Variants in SACM1L observed in about 807,000 individuals in gnomAD.
SACM1L encodes SAC1 like phosphatidylinositide phosphatase, also known as phosphatidylinositol-3-phosphatase SAC1.
SACM1L carries 32 observed loss-of-function variants against 89.5 expected under a neutral mutation model. That is an observed-to-expected ratio of 0.36 (90% confidence interval 0.27 to 0.48). The LOEUF is 0.48. Ranked by LOEUF, SACM1L falls within the 20% of genes least tolerant of loss-of-function variation. The probability of loss-of-function intolerance (pLI) is 0.99; values close to 1 mark genes in which losing one functional copy is unlikely to be tolerated. For missense variants in SACM1L, 543 were observed against 708.5 expected, an observed-to-expected ratio of 0.77 and a Z score of 2.65; for synonymous variants, 213 against 232.8, an observed-to-expected ratio of 0.92 and a Z score of 0.77.
intron 1 of SACM1L, among the ~76,000 whole-genome samples, chr3:45,699,667 A>G (rs1174265900): frequency 6.6e-6 from 1 of 152,066 alleles, no homozygotes; most frequent in Non-Finnish European, 1.5e-5. Flanking sequence ...GATTACAGGC[A>G]TGCGCCACCA....
intron 18 of SACM1L, 109 bp downstream of exon 18, chr3:45,738,982 A>G: frequency 1.5e-6 from 1 of 674,768 alleles, no homozygotes; most frequent in South Asian, 2.0e-5. Context: ...ATTTCATTAC[A>G]TGAAATATAA....
At chr3:45,723,867 T>C (rs1419571971) in intron 11 of SACM1L, among the ~76,000 whole-genome samples, 2 of 152,112 alleles carry the variant, frequency 1.3e-5, no homozygotes, top group Non-Finnish European at 2.9e-5. Context: ...GTTTTTAAGG[T>C]TCATCCATCT....
chr3:45,722,020 G>C lies in SACM1L; in HGVS notation c.700G>C (p.Ala234Pro). ...TTTAGGAATTGATTCGGAAGGCCATGCAGCTAACTTTGTAGAAACAGAACA... is the reference window on the plus strand; with the variant it reads ...TTTAGGAATTGATTCGGAAGGCCATCCAGCTAACTTTGTAGAAACAGAACA... Reference protein sequence around the residue: ...YVRGIDSEGHAANFVETEQIV... With the variant: ...YVRGIDSEGHPANFVETEQIV... The change falls in exon 9 of 20, where the codon GCA (alanine) becomes CCA (proline). Residue 234 changes from alanine to proline, a missense_variant. Around this residue, in one of 2 missense-constraint regions of SACM1L, gnomAD observed 370 missense variants for 527.6 expected, o/e 0.70. Coordinates refer to ENST00000389061, the MANE Select transcript of SACM1L (RefSeq NM_014016.5). 1 of 1,611,772 alleles carries C rather than the reference G, an allele frequency of 6.2e-7. No individual in the cohort carries two copies. The highest frequency in any genetic ancestry group is 8.5e-7 in the Non-Finnish European group (1 of 1,178,560).
At chr3:45,696,871 A>G (rs1347756074) in intron 1 of SACM1L, among the ~76,000 whole-genome samples, 2 of 152,242 alleles carry the variant, frequency 1.3e-5, no homozygotes, top group South Asian at 2.1e-4. Context: ...TGATGTTAAT[A>G]TTATAATTAA....
At chr3:45,701,923 A>G (rs1043621892) in intron 1 of SACM1L, among the ~76,000 whole-genome samples, 3 of 152,164 alleles carry the variant, frequency 2.0e-5, no homozygotes, top group Non-Finnish European at 4.4e-5. Flanking sequence ...GTAACCCAAA[A>G]CCAAAGTTAC....
chr3:45,737,239 G>A (rs1329376196), intron 14 of SACM1L: 2 of 259,490 alleles, frequency 7.7e-6, no homozygotes, highest in Admixed American at 5.4e-5. Context: ...AAGGGGTAGA[G>A]GCAGTAGAAG....
At chr3:45,728,460 GTTTTC>G (rs1198483312) in intron 11 of SACM1L, among the ~76,000 whole-genome samples, 1 of 151,884 alleles carries the variant, frequency 6.6e-6, no homozygotes, top group East Asian at 1.9e-4. Context: ...TTCTATAGCT[GTTTTC>G]TTTGTGGTTA....
At chr3:45,735,134 T>C in intron 13 of SACM1L, 101 bp from the exon 14 acceptor site, 2 of 1,148,614 alleles carry the variant, frequency 1.7e-6, no homozygotes, top group Non-Finnish European at 2.4e-6. Context: ...AATTTACAGT[T>C]TTTAATAATG....
At chr3:45,724,792 T>G (rs1400659067) in intron 11 of SACM1L, among the ~76,000 whole-genome samples, 2 of 152,174 alleles carry the variant, frequency 1.3e-5, no homozygotes, top group Non-Finnish European at 2.9e-5. Context: ...TGGTCTGTTT[T>G]GAGTTGATTT....
In SACM1L at chr3:45,738,638, T is replaced by C. The variant is rs377475638; in HGVS notation, c.1443T>C (p.Tyr481=). 102 of 1,612,556 alleles carry C rather than the reference T, an allele frequency of 6.3e-5. No homozygotes were observed. In the African/African-American group the frequency reaches 1.3e-3, roughly 20 times the overall value. The change falls in exon 17 of 20, where the codon TAT becomes TAC. Residue 481 remains tyrosine (Y), a synonymous_variant. Transcript: ENST00000389061. ...IMDGWNSMIR[Y]YKNNFSDGFR... is the part of the protein sequence containing the mutation. ...ATGGCTGGAACTCAATGATACGATA[T>C]TATAAGAACAACTTTTCCGATGGAT... is the stretch of plus-strand genomic sequence containing the variant.
At chr3:45,720,542 T>C (rs1380157857) in intron 8 of SACM1L, among the ~76,000 whole-genome samples, 1 of 152,136 alleles carries the variant, frequency 6.6e-6, no homozygotes, top group Non-Finnish European at 1.5e-5. Flanking sequence ...TTTTAGACAG[T>C]GATAATATTC....
In SACM1L at chr3:45,706,766, C is replaced by T. The variant is rs1019652763; in HGVS notation, c.206-14C>T. On this transcript the variant is annotated splice_polypyrimidine_tract_variant and intron_variant, in intron 3 of 19. Coordinates refer to ENST00000389061, the MANE Select transcript of SACM1L (RefSeq NM_014016.5). Reference sequence around the variant, plus strand: ...TATTTTTATAATTATGTGTGTTTGGCTTGCTTTTTGCAGGTAATTATCTTA... The same window carrying T: ...TATTTTTATAATTATGTGTGTTTGGTTTGCTTTTTGCAGGTAATTATCTTA... The T allele has an allele frequency of 6.3e-7, 1 of 1,585,458 alleles. No individual in the cohort carries two copies. Among genetic ancestry groups the T allele is most frequent in the African/African-American group, 1.4e-5 (1 of 73,586 alleles).
At chr3:45,723,585 C>G in intron 11 of SACM1L, 42 bp downstream of exon 11, 1 of 1,112,544 alleles carries the variant, frequency 9.0e-7, no homozygotes, top group Admixed American at 2.6e-5. Context: ...AAAGCCTTAA[C>G]TTTTTCTTGA....
At chr3:45,738,924 G>T in intron 18 of SACM1L, 51 bp downstream of exon 18, 1 of 1,065,016 alleles carries the variant, frequency 9.4e-7, no homozygotes, top group South Asian at 1.4e-5. Flanking sequence ...TGTGTCTGAA[G>T]GTATAGATGG....
intron 1 of SACM1L, among the ~76,000 whole-genome samples, chr3:45,695,632 A>T (rs1456971085): frequency 1.3e-5 from 2 of 152,232 alleles, no homozygotes; most frequent in Non-Finnish European, 2.9e-5. Flanking sequence ...TGTGGCTCCT[A>T]TGCAAAATAG....
In SACM1L at chr3:45,739,621, G is replaced by A. The variant is rs1452426459; in HGVS notation, c.1604G>A (p.Cys535Tyr). The A allele has an allele frequency of 6.2e-7, 1 of 1,613,960 alleles. No individual in the cohort carries two copies. The highest frequency in any genetic ancestry group is 8.5e-7 in the Non-Finnish European group (1 of 1,179,954). The change falls in exon 19 of 20, where the codon TGC becomes TAC. Residue 535 changes from cysteine to tyrosine, a missense_variant. Coordinates refer to ENST00000389061, the MANE Select transcript of SACM1L (RefSeq NM_014016.5). Reference sequence around the variant, plus strand: ...ATCATGGTTGTTGCCTTTTCAATGTGCATTATCTGTTTGCTTATGGCTGGT... The same window carrying A: ...ATCATGGTTGTTGCCTTTTCAATGTACATTATCTGTTTGCTTATGGCTGGT... ...PIIMVVAFSM[C>Y]IICLLMAGDT... is the part of the protein sequence containing the mutation.
At chr3:45,702,202 C>CCTCAGAGAA (rs1698291767) in intron 1 of SACM1L, among the ~76,000 whole-genome samples, 1 of 152,152 alleles carries the variant, frequency 6.6e-6, no homozygotes, top group Non-Finnish European at 1.5e-5. Context: ...ATTGATTATT[C>CCTCAGAGAA]CTCAGAGAAC....
intron 11 of SACM1L, among the ~76,000 whole-genome samples, chr3:45,724,392 A>G (rs1262806507): frequency 6.6e-6 from 1 of 150,788 alleles, no homozygotes; most frequent in Non-Finnish European, 1.5e-5. Flanking sequence ...ACATTTCTCT[A>G]ATGATTTGTG....
At chr3:45,722,179 C>T in intron 9 of SACM1L, 94 bp downstream of exon 9, 2 of 773,908 alleles carry the variant, frequency 2.6e-6, no homozygotes, top group South Asian at 1.7e-5. Context: ...CTTTTCCCTT[C>T]TCTGTTCTTA....
Sources: gnomAD v4.1 joint callset for allele counts (sites outside exome capture counted in the v4.1 genomes callset) on GRCh38, gnomAD v4.1.1 for gene constraint, gnomAD v4.1.1 regional missense constraint, MANE v1.5 for transcripts, NCBI Gene and HGNC (gene_info 2026-07-23, HGNC 2026-07-21) for gene names.